PAH: variants seen among roughly 807,000 people sequenced by gnomAD.
The protein encoded by PAH is phenylalanine-4-hydroxylase.
A neutral mutation model predicts 62.0 loss-of-function variants in PAH; 64 were observed. That is an observed-to-expected ratio of 1.03 (90% CI 0.84 to 1.27). The LOEUF (loss-of-function observed/expected upper bound fraction) is 1.27. Ranked by LOEUF, PAH falls within the 50% of genes most tolerant of loss-of-function variation. PAH has a pLI of 0.00. For missense variants in PAH, 579 were observed against 542.8 expected, an observed-to-expected ratio of 1.07 and a Z score of -0.66; for synonymous variants, 195 against 196.2, an observed-to-expected ratio of 0.99 and a Z score of 0.05.
intron 5 of PAH, among the ~76,000 whole-genome samples, chr12:102,858,396 T>C (rs561343809): frequency 6.6e-6 from 1 of 152,322 alleles, no homozygotes; most frequent in East Asian, 1.9e-4. Context: ...AACACCCCAC[T>C]GTCAACATTA....
chr12:102,884,521 C>A (rs1876950220), intron 3 of PAH, among the ~76,000 whole-genome samples: 1 of 152,188 alleles, frequency 6.6e-6, no homozygotes, highest in African/African-American at 2.4e-5. Context: ...TCTGAGCAAA[C>A]TACTTAATTC....
chr12:102,847,903 C>T (rs193105230), intron 8 of PAH, among the ~76,000 whole-genome samples: 11 of 152,110 alleles, frequency 7.2e-5, no homozygotes, highest in Non-Finnish European at 1.5e-4. Context: ...GAAAAGGCAG[C>T]GTTGTTTGGG....
intron 1 of PAH, among the ~76,000 whole-genome samples, chr12:102,940,243 G>T (rs1007392189): frequency 6.6e-6 from 1 of 152,192 alleles, no homozygotes. Flanking sequence ...GAACCAGCAT[G>T]ACAACTCTGA....
At chr12:102,884,298 T>C (rs1422466231) in intron 3 of PAH, among the ~76,000 whole-genome samples, 1 of 152,106 alleles carries the variant, frequency 6.6e-6, no homozygotes, top group African/African-American at 2.4e-5. Flanking sequence ...TGGGGGTCGA[T>C]CCCTGATGTG....
At chr12:102,841,706 A>G (rs540550072) in intron 11 of PAH, among the ~76,000 whole-genome samples, 2 of 152,308 alleles carry the variant, frequency 1.3e-5, no homozygotes, top group African/African-American at 4.8e-5. Flanking sequence ...CATGAGCCAC[A>G]TGTTACACAT....
In PAH at chr12:102,958,124, A is replaced by T. The variant is rs1048663227; in HGVS notation, c.-96+71T>A. 3 of 683,834 alleles carry T rather than the reference A, an allele frequency of 4.4e-6. No individual in the cohort carries two copies. The Admixed American group carries it at 1.3e-4, about 30-fold the overall frequency. 42.4% of individuals were successfully genotyped at this position (683,834 alleles called of 1,614,324 possible). A position where few individuals can be genotyped will look rare whatever the true frequency, so the allele number is the denominator to read the frequency against. ...TAACTTCCGTCAGGGCTCCCGCTTCATATTTCCTTTTCTTTCCCTCTCTGT... is the reference window on the plus strand; with the variant it reads ...TAACTTCCGTCAGGGCTCCCGCTTCTTATTTCCTTTTCTTTCCCTCTCTGT... On this transcript the variant is annotated intron_variant, in intron 1 of 4. Coordinates refer to the PAH transcript ENST00000551337.
At position 102,929,569 on chromosome 12, in the gene PAH, C is replaced by A. The variant is rs114849102; in HGVS notation, c.-95-12344G>T. Among the ~76,000 whole-genome samples, 770 of 152,152 alleles carry A rather than the reference C, an allele frequency of 5.1e-3. 8 individuals are homozygous for A. Among genetic ancestry groups the A allele is most frequent in the African/African-American group, 0.018 (736 of 41,514 alleles). Reference sequence around the variant, plus strand: ...TATCTTTATCCTGAGAGGTGGAGTGCCCTTGAAGTGTGTAATCAGAGGTGG... The same window carrying A: ...TATCTTTATCCTGAGAGGTGGAGTGACCTTGAAGTGTGTAATCAGAGGTGG... On this transcript the variant is annotated intron_variant, in intron 1 of 3. Transcript: ENST00000546844.
chr12:102,840,576 G>T (rs1032769472), intron 11 of PAH, 61 bp from the exon 12 acceptor site: 9 of 1,155,648 alleles, frequency 7.8e-6, no homozygotes, highest in Non-Finnish European at 2.6e-6. Context: ...AGTCTTAAGA[G>T]AGTTCTCAGT....
upstream of PAH, among the ~76,000 whole-genome samples, chr12:102,920,327 A>G (rs1878520975): frequency 6.6e-6 from 1 of 152,226 alleles, no homozygotes; most frequent in South Asian, 2.1e-4. Flanking sequence ...AATGGAGGAA[A>G]AAAAGGCACA....
chr12:102,935,724 G>A (rs1412253166), intron 1 of PAH, among the ~76,000 whole-genome samples: 1 of 151,834 alleles, frequency 6.6e-6, no homozygotes, highest in Non-Finnish European at 1.5e-5. Context: ...AATTCCTGTG[G>A]TATTTGTTGT....
At position 102,874,970 on chromosome 12, in the gene PAH, C is replaced by T. The variant is rs116126332; in HGVS notation, c.441+2492G>A. Among the ~76,000 whole-genome samples the T allele has an allele frequency of 2.5e-3, 382 of 152,274 alleles. 3 individuals are homozygous for T. The highest frequency in any genetic ancestry group is 8.5e-3 in the African/African-American group (354 of 41,564). On this transcript the variant is annotated intron_variant, in intron 4 of 12. Coordinates refer to ENST00000553106, the MANE Select transcript of PAH (RefSeq NM_000277.3). ...GGACAGAGAGAACAGAGGGTCCTTT[C>T]GAGAAGAACACCCGCTGACTGCACC... is the stretch of plus-strand genomic sequence containing the variant.
At chr12:102,929,067 C>T (rs1041195113) in intron 1 of PAH, among the ~76,000 whole-genome samples, 5 of 152,048 alleles carry the variant, frequency 3.3e-5, no homozygotes, top group Non-Finnish European at 7.4e-5. Flanking sequence ...CTCTTTTGCT[C>T]GGCACTTTTC....
intron 4 of PAH, 154 bp downstream of exon 4, chr12:102,877,308 C>T (rs1410950835): frequency 2.8e-6 from 2 of 714,040 alleles, no homozygotes; most frequent in Non-Finnish European, 5.1e-6. Flanking sequence ...TAAAGTCTTG[C>T]TAATTTTTCC....
intron 5 of PAH, among the ~76,000 whole-genome samples, chr12:102,859,540 A>G (rs1001373959): frequency 1.3e-5 from 2 of 152,244 alleles, no homozygotes; most frequent in African/African-American, 2.4e-5. Context: ...TTTCAGACCA[A>G]TATCCCTGAT....
chr12:102,847,971 A>G (rs1472141641), intron 8 of PAH, among the ~76,000 whole-genome samples: 2 of 152,252 alleles, frequency 1.3e-5, no homozygotes, highest in Non-Finnish European at 2.9e-5. Flanking sequence ...GGGCAGTGGC[A>G]GGTGATATCA....
Position 102,868,123 on chromosome 12 carries a change from T to TAC in PAH, c.442-1461_442-1460insGT, listed in dbSNP as rs1876116410. Among the ~76,000 whole-genome samples the TAC allele has an allele frequency of 1.7e-3, 8 of 4,734 alleles. 1 individual carries two copies. Among genetic ancestry groups the TAC allele is most frequent in the South Asian group, 0.016 (2 of 126 alleles). The allele number at this position is 4,734 out of a possible 152,430, so 3.1% of individuals were successfully genotyped here. A position where few individuals can be genotyped will look rare whatever the true frequency, so the allele number is the denominator to read the frequency against. On this transcript the variant is annotated intron_variant, in intron 4 of 12. Coordinates refer to ENST00000553106, the MANE Select transcript of PAH (RefSeq NM_000277.3). ...ATATATACACATATATATACATATATGTGTATATATATATATATATATATA... is the reference window on the plus strand; with the variant it reads ...ATATATACACATATATATACATATATACGTGTATATATATATATATATATATA...
chr12:102,947,165 A>T (rs73173958), intron 1 of PAH, among the ~76,000 whole-genome samples: 10 of 152,036 alleles, frequency 6.6e-5, no homozygotes, highest in Non-Finnish European at 1.3e-4. Context: ...TACATACTAA[A>T]TGTGTGTGTT....
In PAH at chr12:102,909,445, T is replaced by C. The variant is rs559155348; in HGVS notation, c.168+3346A>G. ...GTTTGTTTTAATATTCAGTTTCTTTTTGAATAATGTTGATTTTGGTCACAT... is the reference window on the plus strand; with the variant it reads ...GTTTGTTTTAATATTCAGTTTCTTTCTGAATAATGTTGATTTTGGTCACAT... On this transcript the variant is annotated intron_variant, in intron 2 of 12. Coordinates refer to ENST00000553106, the MANE Select transcript of PAH (RefSeq NM_000277.3). Among the ~76,000 whole-genome samples the C allele has an allele frequency of 1.1e-4, 17 of 152,320 alleles. No individual in the cohort carries two copies. In the South Asian group the frequency reaches 2.3e-3, roughly 20 times the overall value.
At chr12:102,906,392 C>CA (rs759419586) in intron 2 of PAH, among the ~76,000 whole-genome samples, 1 of 151,710 alleles carries the variant, frequency 6.6e-6, no homozygotes, top group African/African-American at 2.4e-5. Flanking sequence ...TATTACTTAC[C>CA]AAAAAAATTG....
Sources: gnomAD v4.1 joint callset for allele counts (sites outside exome capture counted in the v4.1 genomes callset) on GRCh38, gnomAD v4.1.1 for gene constraint, MANE v1.5 for transcripts, NCBI Gene and HGNC (gene_info 2026-07-23, HGNC 2026-07-21) for gene names.